The following ATP11B variants were observed in gnomAD, a reference collection of about 807,000 sequenced individuals.
ATP11B encodes the protein ATPase phospholipid transporting 11B (putative), also known as phospholipid-transporting ATPase IF.
ATP11B carries 81 observed loss-of-function variants against 157.8 expected under a neutral mutation model. That is an observed-to-expected ratio of 0.51 (90% CI 0.43 to 0.62). The LOEUF (loss-of-function observed/expected upper bound fraction) is 0.62, where lower values mean the gene tolerates loss of function less well. ATP11B is among the 20% of genes least tolerant of loss of function. The pLI, the probability that ATP11B is intolerant of heterozygous loss-of-function variation, is 0.00. For synonymous variants in ATP11B, 451 were observed against 469.4 expected (o/e 0.96, Z 0.51); for missense variants, 1,165 against 1,402.2 (o/e 0.83, Z 2.70).
At chr3:182,888,734 G>A (rs1722964078) in intron 24 of ATP11B, among the ~76,000 whole-genome samples, 1 of 151,632 alleles carries the variant, frequency 6.6e-6, no homozygotes, top group African/African-American at 2.4e-5. Context: ...TTTTAGTAGA[G>A]ACAAGGTTTT....
intron 29 of ATP11B, chr3:182,917,540 A>G (rs929589725): frequency 2.8e-5 from 28 of 985,252 alleles, no homozygotes; most frequent in Non-Finnish European, 3.0e-5. Context: ...CATTCGCTAC[A>G]TTCAAGCTAA....
chr3:182,816,860 A>G (rs1006070049), intron 1 of ATP11B, among the ~76,000 whole-genome samples: 1 of 152,174 alleles, frequency 6.6e-6, no homozygotes, highest in East Asian at 1.9e-4. Context: ...TCATTTTTGG[A>G]TAGTTTTGTT....
chr3:182,806,526 T>C (rs911528172), intron 1 of ATP11B, among the ~76,000 whole-genome samples: 4 of 152,134 alleles, frequency 2.6e-5, no homozygotes, highest in Non-Finnish European at 5.9e-5. Flanking sequence ...TCTTTTCTTA[T>C]TCTCATCTCA....
intron 29 of ATP11B, chr3:182,917,678 T>C: frequency 1.0e-6 from 1 of 985,380 alleles, no homozygotes; most frequent in Non-Finnish European, 1.2e-6. Flanking sequence ...ACTGAACTTT[T>C]CAGTAAAACA....
chr3:182,816,404 A>G (rs936598369), intron 1 of ATP11B, among the ~76,000 whole-genome samples: 1 of 152,202 alleles, frequency 6.6e-6, no homozygotes, highest in African/African-American at 2.4e-5. Context: ...AAAATGTATT[A>G]TGTGCCAAAG....
intron 4 of ATP11B, among the ~76,000 whole-genome samples, chr3:182,832,092 A>G (rs377351776): frequency 9.9e-4 from 151 of 152,342 alleles, no homozygotes; most frequent in African/African-American, 3.5e-3. Context: ...ATATGATACC[A>G]TTAACTGAGT....
At chr3:182,811,893 CA>C (rs990348437) in intron 1 of ATP11B, among the ~76,000 whole-genome samples, 1 of 152,090 alleles carries the variant, frequency 6.6e-6, no homozygotes, top group African/African-American at 2.4e-5. Context: ...GAGACTGGTA[CA>C]AAGTAGTTGG....
At position 182,869,339 on chromosome 3, in the gene ATP11B, C is replaced by T. The variant is rs773578170; in HGVS notation, c.1866+8C>T. 2 of 1,493,038 alleles carry T rather than the reference C, an allele frequency of 1.3e-6. No individual in the cohort carries two copies. The highest frequency in any genetic ancestry group is 3.9e-5 in the Admixed American group (2 of 51,420). 92.5% of individuals were successfully genotyped at this position (1,493,038 alleles called of 1,614,324 possible). On this transcript the variant is annotated splice_region_variant and intron_variant, in intron 17 of 29. Coordinates refer to ENST00000323116, the MANE Select transcript of ATP11B (RefSeq NM_014616.3). ...GTAGATGAATTTGCTTTGGTGAGTGCAAATTTCTATGATTTAAAAAACTCT... is the reference window on the plus strand; with the variant it reads ...GTAGATGAATTTGCTTTGGTGAGTGTAAATTTCTATGATTTAAAAAACTCT...
chr3:182,911,842 G>C (rs1012313954), intron 28 of ATP11B, among the ~76,000 whole-genome samples: 1 of 152,176 alleles, frequency 6.6e-6, no homozygotes, highest in Non-Finnish European at 1.5e-5. Flanking sequence ...AGAAAGAGAT[G>C]ACTCATAGTT....
intron 29 of ATP11B, chr3:182,914,673 A>G: frequency 1.0e-6 from 1 of 985,422 alleles, no homozygotes. Context: ...TGTTTCTTGA[A>G]TGAGATTTAT....
intron 1 of ATP11B, among the ~76,000 whole-genome samples, chr3:182,814,257 G>GT (rs1716840859): frequency 6.6e-6 from 1 of 151,736 alleles, no homozygotes; most frequent in African/African-American, 2.4e-5. Context: ...TAAAGATGGG[G>GT]TTTTACCATT....
At chr3:182,917,817 T>A in intron 29 of ATP11B, 1 of 983,296 alleles carries the variant, frequency 1.0e-6, no homozygotes, top group Non-Finnish European at 1.2e-6. Context: ...TATTTTTATA[T>A]GATGACTAGA....
chr3:182,835,910 C>A, intron 4 of ATP11B, 125 bp from the exon 5 acceptor site: 1 of 640,548 alleles, frequency 1.6e-6, no homozygotes, highest in African/African-American at 1.9e-5. Context: ...CATGTGCATC[C>A]AAATAGCCTC....
At chr3:182,900,079 G>T (rs1178805704) in intron 28 of ATP11B, among the ~76,000 whole-genome samples, 2 of 152,096 alleles carry the variant, frequency 1.3e-5, no homozygotes, top group Non-Finnish European at 2.9e-5. Context: ...TGTAAGTTAG[G>T]CTTCCTGACC....
At chr3:182,912,351 A>G (rs1724852867) in intron 28 of ATP11B, among the ~76,000 whole-genome samples, 1 of 152,122 alleles carries the variant, frequency 6.6e-6, no homozygotes, top group Non-Finnish European at 1.5e-5. Context: ...CCCCATGGAG[A>G]TGACCATGTA....
chr3:182,875,355 CT>C (rs1273274119), intron 19 of ATP11B, among the ~76,000 whole-genome samples: 5 of 152,184 alleles, frequency 3.3e-5, no homozygotes, highest in Non-Finnish European at 7.3e-5. Context: ...GATACCAAGT[CT>C]GGATTTCATC....
chr3:182,848,509 T>C lies in ATP11B; in HGVS notation c.803T>C (p.Met268Thr). The change falls in exon 10 of 30, where the codon ATG (methionine) becomes ACG (threonine). Residue 268 changes from methionine to threonine, a missense_variant. Transcript: ENST00000323116. ...VAVYTGMETK[M>T]ALNYKSKSQK... ...GTATACACTGGAATGGAAACTAAGA[T>C]GGCATTAAATTACAAGAGCAAATCA... The C allele has an allele frequency of 1.3e-6, 2 of 1,581,902 alleles. No homozygotes were observed. Among genetic ancestry groups the C allele is most frequent in the Non-Finnish European group, 1.7e-6 (2 of 1,163,826 alleles).
chr3:182,870,500 A>G (rs1183513626), intron 17 of ATP11B, among the ~76,000 whole-genome samples: 2 of 152,210 alleles, frequency 1.3e-5, no homozygotes, highest in South Asian at 2.1e-4. Context: ...ACATTGTTCT[A>G]CCTTATCACC....
At chr3:182,807,685 A>C (rs529042765) in intron 1 of ATP11B, among the ~76,000 whole-genome samples, 21 of 152,310 alleles carry the variant, frequency 1.4e-4, no homozygotes, top group African/African-American at 4.8e-4. Flanking sequence ...CATACTTTTA[A>C]ATCTATTAAG....
Sources: allele counts gnomAD v4.1 joint callset (sites outside exome capture counted in the v4.1 genomes callset), GRCh38; gene constraint gnomAD v4.1.1; transcripts MANE v1.5; gene names NCBI Gene and HGNC (gene_info 2026-07-23, HGNC 2026-07-21).